The following VRK1 variants were observed in gnomAD, a reference collection of about 807,000 sequenced individuals.
The protein encoded by VRK1 is VRK serine/threonine kinase 1.
In VRK1, 33 loss-of-function variants were observed where a neutral mutation model predicts 57.1. The observed-to-expected ratio is 0.58, with a 90% confidence interval of 0.44 to 0.77. The LOEUF (loss-of-function observed/expected upper bound fraction) is 0.77, where lower values mean the gene tolerates loss of function less well. Ranked by LOEUF, VRK1 falls within the 30% of genes least tolerant of loss-of-function variation. The pLI is 0.00. For missense variants in VRK1, 413 were observed against 477.3 expected, an observed-to-expected ratio of 0.87 and a Z score of 1.25; for synonymous variants, 137 against 147.8, an observed-to-expected ratio of 0.93 and a Z score of 0.53.
intron 1 of VRK1, among the ~76,000 whole-genome samples, chr14:96,813,729 T>A (rs1886291624): frequency 6.6e-6 from 1 of 152,178 alleles, no homozygotes. Context: ...TATTTATGGC[T>A]GTGTTATTAG....
intron 10 of VRK1, 77 bp downstream of exon 10, chr14:96,856,663 C>T: frequency 2.3e-6 from 3 of 1,283,094 alleles, no homozygotes; most frequent in Non-Finnish European, 3.4e-6. Context: ...ATGGAATAGC[C>T]CTTAATGTAA....
At chr14:96,839,135 T>C (rs1369010973) in intron 3 of VRK1, among the ~76,000 whole-genome samples, 1 of 148,928 alleles carries the variant, frequency 6.7e-6, no homozygotes, top group African/African-American at 2.5e-5. Context: ...TTCCAGAAGG[T>C]TATGTAAATG....
intron 12 of VRK1, chr14:96,877,643 T>A (rs914982574): frequency 3.1e-6 from 4 of 1,285,654 alleles, no homozygotes; most frequent in Admixed American, 2.3e-5. Context: ...ATCCCTTAAA[T>A]TTTAAAACTG....
chr14:96,816,829 C>T (rs991926708), intron 1 of VRK1, among the ~76,000 whole-genome samples: 7 of 152,152 alleles, frequency 4.6e-5, no homozygotes, highest in African/African-American at 1.2e-4. Context: ...ACATCAGCCA[C>T]GTGCATTGAC....
chr14:96,855,460 T>C (rs1398781875), intron 8 of VRK1, 104 bp downstream of exon 8: 2 of 1,562,474 alleles, frequency 1.3e-6, no homozygotes, highest in Admixed American at 3.4e-5. Flanking sequence ...TAAATAAAAA[T>C]TGAAAAGGCA....
At chr14:96,826,593 A>G (rs1595655086) in intron 1 of VRK1, among the ~76,000 whole-genome samples, 1 of 152,198 alleles carries the variant, frequency 6.6e-6, no homozygotes, top group South Asian at 2.1e-4. Context: ...AGAGGGGCTG[A>G]AATTATGTGG....
intron 1 of VRK1, among the ~76,000 whole-genome samples, chr14:96,818,998 T>G (rs1886495778): frequency 6.6e-6 from 1 of 152,232 alleles, no homozygotes; most frequent in Non-Finnish European, 1.5e-5. Flanking sequence ...GCTGGCACAT[T>G]TATAAGAGGA....
intron 11 of VRK1, among the ~76,000 whole-genome samples, chr14:96,868,865 C>T (rs1051765738): frequency 5.4e-5 from 8 of 148,850 alleles, no homozygotes; most frequent in Admixed American, 2.0e-4. Context: ...TGCAATGGGA[C>T]GATCTCGACT....
In VRK1 at chr14:96,812,834, C is replaced by T. The variant is rs111715324; in HGVS notation, c.-6+15387C>T. ...ACATCTACTGGTTATTGGAATAGAT[C>T]ATTTGTGGTTCATACTGGTTATATT... On this transcript the variant is annotated intron_variant, in intron 1 of 12. Transcript: ENST00000216639. Among the ~76,000 whole-genome samples, 756 of 152,170 alleles carry T rather than the reference C, an allele frequency of 5.0e-3. 7 individuals are homozygous for T. The highest frequency in any genetic ancestry group is 0.017 in the African/African-American group (695 of 41,508).
chr14:96,846,048 C>A, intron 3 of VRK1, 47 bp from the exon 4 acceptor site: 2 of 1,500,142 alleles, frequency 1.3e-6, no homozygotes, highest in Non-Finnish European at 9.3e-7. Context: ...GAAAATATCT[C>A]AGTAATTTTA....
intron 1 of VRK1, among the ~76,000 whole-genome samples, chr14:96,821,285 C>T (rs1886586349): frequency 6.6e-6 from 1 of 152,012 alleles, no homozygotes; most frequent in South Asian, 2.1e-4. Context: ...GTTTAATTTC[C>T]TGGCAAACTA....
intron 1 of VRK1, among the ~76,000 whole-genome samples, chr14:96,810,318 T>G (rs1399473889): frequency 1.3e-5 from 2 of 152,252 alleles, no homozygotes; most frequent in Non-Finnish European, 2.9e-5. Context: ...ATTCTGAATT[T>G]TAATCAATTC....
At chr14:96,871,513 A>G (rs1195569731) in intron 11 of VRK1, among the ~76,000 whole-genome samples, 4 of 152,266 alleles carry the variant, frequency 2.6e-5, no homozygotes, top group Admixed American at 6.5e-5. Context: ...GATTTCTTAT[A>G]GTGCTTATAG....
chr14:96,843,924 A>G (rs896662904), intron 3 of VRK1, among the ~76,000 whole-genome samples: 1 of 152,184 alleles, frequency 6.6e-6, no homozygotes, highest in Non-Finnish European at 1.5e-5. Flanking sequence ...TATATGGTTG[A>G]TTCTCATTAT....
rs374295674 is a variant in VRK1 at position 96,826,873 on chromosome 14, G to A, written c.-5-6594G>A. On this transcript the variant is annotated intron_variant, in intron 1 of 12. Coordinates refer to ENST00000216639, the MANE Select transcript of VRK1 (RefSeq NM_003384.3). ...AAAGCAACAAGGAGATTGAGAAACA[G>A]TGATTTCATATTCTGAGAAACTGAG... 4.6e-5 allele frequency among the ~76,000 whole-genome samples: 7 copies of A among 152,280 alleles called. No homozygotes were observed. In the East Asian group the frequency reaches 9.6e-4, roughly 21 times the overall value.
chr14:96,867,708 A>G (rs1888641182), intron 11 of VRK1, among the ~76,000 whole-genome samples: 1 of 152,142 alleles, frequency 6.6e-6, no homozygotes, highest in African/African-American at 2.4e-5. Flanking sequence ...CATGTCTCCT[A>G]ACTCTTCGAC....
At chr14:96,877,576 G>C (rs1304766810) in intron 12 of VRK1, 1 of 1,289,502 alleles carries the variant, frequency 7.8e-7, no homozygotes, top group Non-Finnish European at 1.0e-6. Flanking sequence ...CTATGACAGT[G>C]AGTGGGAACA....
intron 1 of VRK1, among the ~76,000 whole-genome samples, chr14:96,811,983 G>A (rs1886224025): frequency 6.6e-6 from 1 of 152,008 alleles, no homozygotes; most frequent in South Asian, 2.1e-4. Flanking sequence ...AAGAAACCAC[G>A]AATAGTTTTG....
intron 11 of VRK1, among the ~76,000 whole-genome samples, chr14:96,866,094 G>T (rs1012380056): frequency 1.3e-5 from 2 of 151,694 alleles, no homozygotes; most frequent in Admixed American, 1.3e-4. Context: ...TTCTTTTCTT[G>T]TCTCCTGGTA....
Sources: gnomAD v4.1 joint callset for allele counts (sites outside exome capture counted in the v4.1 genomes callset) on GRCh38, gnomAD v4.1.1 for gene constraint, MANE v1.5 for transcripts, NCBI Gene and HGNC (gene_info 2026-07-23, HGNC 2026-07-21) for gene names.